MAPK10: variants seen among roughly 807,000 people sequenced by gnomAD.
The protein encoded by MAPK10 is mitogen-activated protein kinase 10.
In MAPK10, 25 loss-of-function variants were observed where a neutral mutation model predicts 59.3. That is an observed-to-expected ratio of 0.42 (90% confidence interval 0.31 to 0.59). MAPK10 has a LOEUF of 0.59. Ranked by LOEUF, MAPK10 falls within the 20% of genes least tolerant of loss-of-function variation. The pLI, the probability that MAPK10 is intolerant of heterozygous loss-of-function variation, is 0.15. For missense variants in MAPK10, 351 were observed against 568.9 expected (o/e 0.62, Z 3.90); for synonymous variants, 190 against 200.5 (o/e 0.95, Z 0.44).
chr4:86,398,762 TCCTC>T (rs1743304192), intron 1 of MAPK10, among the ~76,000 whole-genome samples: 1 of 152,086 alleles, frequency 6.6e-6, no homozygotes, highest in South Asian at 2.1e-4. Context: ...GTCCCTCTCT[TCCTC>T]CCTGACAGTA....
rs368241551 is a variant in MAPK10, at chr4:86,451,178, T to C, written c.-122+1852A>G. 6.1e-4 allele frequency among the ~76,000 whole-genome samples: 93 copies of C among 152,326 alleles called. 1 individual carries two copies. The highest frequency in any genetic ancestry group is 2.0e-3 in the African/African-American group (83 of 41,574). Reference sequence around the variant, plus strand: ...GCCAGATTCTGTTTGTAGAGTCCTCTACAAATAAATAGGGTTGTCTTGACT... The same window carrying C: ...GCCAGATTCTGTTTGTAGAGTCCTCCACAAATAAATAGGGTTGTCTTGACT... On this transcript the variant is annotated intron_variant, in intron 1 of 13. Coordinates refer to the MAPK10 transcript ENST00000361569.
At chr4:86,370,142 G>T (rs944173523) in intron 1 of MAPK10, among the ~76,000 whole-genome samples, 1 of 152,124 alleles carries the variant, frequency 6.6e-6, no homozygotes, top group African/African-American at 2.4e-5. Flanking sequence ...GTTTGATAAT[G>T]TTCTTAAAGT....
At chr4:86,481,527 T>A (rs1050330402) in intron 1 of MAPK10, among the ~76,000 whole-genome samples, 9 of 152,152 alleles carry the variant, frequency 5.9e-5, no homozygotes, top group African/African-American at 2.2e-4. Flanking sequence ...TACCTCTTAA[T>A]TAGTCTCCAC....
intron 1 of MAPK10, among the ~76,000 whole-genome samples, chr4:86,421,137 G>A (rs936717534): frequency 2.0e-5 from 3 of 151,816 alleles, no homozygotes; most frequent in East Asian, 1.9e-4. Flanking sequence ...TGACATAATC[G>A]TGTGTGTGTG....
chr4:86,382,802 A>G (rs1402877520), intron 1 of MAPK10, among the ~76,000 whole-genome samples: 1 of 152,108 alleles, frequency 6.6e-6, no homozygotes, highest in Non-Finnish European at 1.5e-5. Flanking sequence ...GTTTCTCAGT[A>G]GTGTCAGAGA....
chr4:86,205,516 T>C (rs922902699), intron 2 of MAPK10, among the ~76,000 whole-genome samples: 1 of 151,856 alleles, frequency 6.6e-6, no homozygotes, highest in African/African-American at 2.4e-5. Flanking sequence ...ACAAAGATAA[T>C]ATAAGACAAG....
At chr4:86,100,119 T>G (rs1271969883) in intron 8 of MAPK10, 1 of 152,070 alleles carries the variant, frequency 6.6e-6, no homozygotes, top group African/African-American at 2.4e-5. Flanking sequence ...TTTATAAAAC[T>G]TATTAATACA....
rs1578107538 is a variant in MAPK10, at chr4:86,556,296, CT to C, written c.-263+37613del. ...AATCAAATTCCCTGAGGACAAAGAA[CT>C]TTTATTCATATTCATCTCTCCTCCT... is the stretch of plus-strand genomic sequence containing the variant. On this transcript the variant is annotated intron_variant, in intron 1 of 4. Transcript: ENST00000502302. Among the ~76,000 whole-genome samples the C allele has an allele frequency of 3.3e-5, 5 of 152,206 alleles. No individual in the cohort carries two copies. In the East Asian group the frequency reaches 9.6e-4, roughly 29 times the overall value.
intron 11 of MAPK10, among the ~76,000 whole-genome samples, chr4:86,035,223 T>C (rs2039969861): frequency 6.6e-6 from 1 of 151,402 alleles, no homozygotes; most frequent in African/African-American, 2.4e-5. Flanking sequence ...ATACAAAAAT[T>C]AGCCGGGCAT....
chr4:86,430,919 T>C (rs970466763), intron 1 of MAPK10, among the ~76,000 whole-genome samples: 1 of 152,140 alleles, frequency 6.6e-6, no homozygotes, highest in Non-Finnish European at 1.5e-5. Context: ...GTGTGAAATA[T>C]TCGTATGCTT....
intron 1 of MAPK10, among the ~76,000 whole-genome samples, chr4:86,561,409 C>G (rs562354132): frequency 6.6e-6 from 1 of 152,336 alleles, no homozygotes; most frequent in South Asian, 2.1e-4. Flanking sequence ...AGTCCAGACT[C>G]TCATGTGTTT....
At chr4:86,193,600 C>T (rs896495511) in intron 3 of MAPK10, 1 of 152,388 alleles carries the variant, frequency 6.6e-6, no homozygotes, top group Non-Finnish European at 1.5e-5. Flanking sequence ...GACGCCCCTC[C>T]CCCCAACCAA....
rs190211359 is a variant in MAPK10, at chr4:86,206,508, G to A, written c.-6-12101C>T. Among the ~76,000 whole-genome samples the A allele has an allele frequency of 3.2e-3, 482 of 152,080 alleles. 2 individuals carry two copies. The highest frequency in any genetic ancestry group is 0.011 in the African/African-American group (467 of 41,474). On this transcript the variant is annotated intron_variant, in intron 2 of 13. Coordinates refer to ENST00000641462, the MANE Select transcript of MAPK10 (RefSeq NM_138982.4). ...GTGAATAGTGCTGCAATAAACATAC[G>A]TGTGCATGTGTCTTTATAGCAGCAT...
At chr4:86,353,201 G>A (rs541274816) in intron 2 of MAPK10, among the ~76,000 whole-genome samples, 1 of 152,062 alleles carries the variant, frequency 6.6e-6, no homozygotes, top group African/African-American at 2.4e-5. Context: ...ATAGCACTTT[G>A]TAAGTGCCAC....
intron 12 of MAPK10, among the ~76,000 whole-genome samples, chr4:86,030,882 C>G (rs771706114): frequency 1.3e-5 from 2 of 152,154 alleles, no homozygotes; most frequent in Non-Finnish European, 2.9e-5. Flanking sequence ...GATTAATAGG[C>G]TACTCAGATA....
At chr4:86,315,792 A>G (rs2095772756) in intron 2 of MAPK10, among the ~76,000 whole-genome samples, 1 of 152,188 alleles carries the variant, frequency 6.6e-6, no homozygotes, top group South Asian at 2.1e-4. Context: ...ACACAGACAT[A>G]TCAAGCAAGA....
chr4:86,038,743 C>G (rs1469870), intron 11 of MAPK10, among the ~76,000 whole-genome samples: 10,379 of 152,136 alleles, frequency 0.068, 444 homozygotes, highest in African/African-American at 0.12. Context: ...GTGGCACCAA[C>G]AGCAGTTCAT....
At chr4:86,334,062 T>C (rs192727947) in intron 2 of MAPK10, among the ~76,000 whole-genome samples, 1 of 152,242 alleles carries the variant, frequency 6.6e-6, no homozygotes, top group Admixed American at 6.5e-5. Flanking sequence ...ACAATAAACA[T>C]ATGTATGCAA....
chr4:86,029,143 G>A (rs754366390), intron 13 of MAPK10, 54 bp downstream of exon 13: 16 of 1,218,556 alleles, frequency 1.3e-5, no homozygotes, highest in Non-Finnish European at 1.7e-5. Flanking sequence ...CCTACACAAA[G>A]GCCAAGAAAT....
Sources: gnomAD v4.1 joint callset for allele counts (sites outside exome capture counted in the v4.1 genomes callset) on GRCh38, gnomAD v4.1.1 for gene constraint, MANE v1.5 for transcripts, NCBI Gene and HGNC (gene_info 2026-07-23, HGNC 2026-07-21) for gene names.